The following CNTNAP2 variants were observed in gnomAD, a reference collection of about 807,000 sequenced individuals.
CNTNAP2 encodes the protein contactin-associated protein-like 2.
CNTNAP2 carries 98 observed loss-of-function variants against 155.2 expected under a neutral mutation model. The observed-to-expected ratio is 0.63, with a 90% CI of 0.54 to 0.75. The LOEUF is 0.75. Among genes scored for constraint, CNTNAP2 ranks in the 30% least tolerant of loss-of-function variants. CNTNAP2 has a pLI of 0.00. For synonymous variants in CNTNAP2, 651 were observed against 631.2 expected (o/e 1.03, Z -0.47); for missense variants, 1,727 against 1,688.1 (o/e 1.02, Z -0.40).
intron 21 of CNTNAP2, among the ~76,000 whole-genome samples, chr7:148,369,043 T>C (rs1337274804): frequency 2.6e-5 from 4 of 152,190 alleles, no homozygotes; most frequent in African/African-American, 9.7e-5. Flanking sequence ...TGAGAGGGTC[T>C]GTCTCTCTTC....
chr7:146,958,436 C>T (rs1441695565), intron 3 of CNTNAP2, among the ~76,000 whole-genome samples: 11 of 97,170 alleles, frequency 1.1e-4, no homozygotes, highest in East Asian at 6.4e-4. Context: ...TTTTTTGAGA[C>T]GGAGTCTCAC....
intron 3 of CNTNAP2, among the ~76,000 whole-genome samples, chr7:146,902,812 G>A (rs1465245290): frequency 1.3e-5 from 2 of 152,210 alleles, no homozygotes; most frequent in African/African-American, 2.4e-5. Context: ...TGCAGCCTCA[G>A]GGCAGTGAGG....
intron 1 of CNTNAP2, among the ~76,000 whole-genome samples, chr7:146,351,507 T>G (rs1238435797): frequency 6.6e-6 from 1 of 152,204 alleles, no homozygotes. Context: ...GATGCCTACT[T>G]ATTCCTTAGA....
chr7:146,436,863 T>C (rs1796250762), intron 1 of CNTNAP2, among the ~76,000 whole-genome samples: 1 of 151,640 alleles, frequency 6.6e-6, no homozygotes, highest in South Asian at 2.1e-4. Flanking sequence ...AGAGGCTAAG[T>C]AGACTGCCCT....
chr7:148,118,217 A>G lies in CNTNAP2; in HGVS notation c.2483A>G (p.Lys828Arg), dbSNP rs1165077522. ...AGCGCTGACATTTCTTTCTACTTCA[A>G]AACATTAACCCCCTGGGGAGTGTTT... Reference protein sequence around the residue: ...ETSADISFYFKTLTPWGVFLE... With the variant: ...ETSADISFYFRTLTPWGVFLE... The change falls in exon 16 of 24, where the codon AAA becomes AGA. Residue 828 changes from lysine (K) to arginine (R), a missense_variant. By Grantham distance (26) the Lys-to-Arg change is conservative (BLOSUM62 2). Coordinates refer to ENST00000361727, the MANE Select transcript of CNTNAP2 (RefSeq NM_014141.6). The G allele has an allele frequency of 6.2e-7, 1 of 1,614,186 alleles. No individual in the cohort carries two copies. Among genetic ancestry groups the G allele is most frequent in the Non-Finnish European group, 8.5e-7 (1 of 1,180,022 alleles).
chr7:148,148,248 T>G (rs1479219515), intron 17 of CNTNAP2, among the ~76,000 whole-genome samples: 9 of 152,194 alleles, frequency 5.9e-5, no homozygotes, highest in Non-Finnish European at 2.9e-5. Flanking sequence ...AAAAGAAATT[T>G]AAACAGATCA....
intron 1 of CNTNAP2, among the ~76,000 whole-genome samples, chr7:146,220,737 A>G (rs1799193972): frequency 6.6e-6 from 1 of 152,182 alleles, no homozygotes; most frequent in African/African-American, 2.4e-5. Flanking sequence ...AACTTTTAAA[A>G]CGTTATGAAT....
chr7:147,278,154 A>C (rs1333331992), intron 8 of CNTNAP2, among the ~76,000 whole-genome samples: 1 of 151,066 alleles, frequency 6.6e-6, no homozygotes, highest in Non-Finnish European at 1.5e-5. Flanking sequence ...ATAGCCTCCT[A>C]CACTTCCATC....
At chr7:147,794,253 A>G (rs1797859437) in intron 13 of CNTNAP2, among the ~76,000 whole-genome samples, 1 of 151,988 alleles carries the variant, frequency 6.6e-6, no homozygotes, top group African/African-American at 2.4e-5. Context: ...GAAGGTATTC[A>G]GTCTTTCACC....
chr7:148,340,324 C>T (rs10271315), intron 21 of CNTNAP2, among the ~76,000 whole-genome samples: 36,758 of 151,972 alleles, frequency 0.24, 4,712 homozygotes, highest in South Asian at 0.32. Context: ...AATTAACATC[C>T]CGAGGGAAGA....
intron 1 of CNTNAP2, among the ~76,000 whole-genome samples, chr7:146,489,137 C>G (rs1797101979): frequency 6.6e-6 from 1 of 152,196 alleles, no homozygotes; most frequent in African/African-American, 2.4e-5. Context: ...CACCCAACAA[C>G]AGTTCCTTCC....
chr7:146,895,935 T>C (rs1353018637), intron 3 of CNTNAP2, among the ~76,000 whole-genome samples: 1 of 152,128 alleles, frequency 6.6e-6, no homozygotes, highest in Non-Finnish European at 1.5e-5. Context: ...AGGATTATTA[T>C]AAAATATTGC....
intron 1 of CNTNAP2, among the ~76,000 whole-genome samples, chr7:146,702,947 G>A (rs952853281): frequency 2.0e-5 from 3 of 152,098 alleles, no homozygotes; most frequent in African/African-American, 7.2e-5. Flanking sequence ...GGAAAGCTTT[G>A]TTGTTGATCT....
At position 148,140,315 on chromosome 7, in the gene CNTNAP2, C is replaced by T. The variant is rs528547777; in HGVS notation, c.2555-7176C>T. 1.2e-4 allele frequency among the ~76,000 whole-genome samples: 18 copies of T among 152,286 alleles called. No homozygotes were observed. The South Asian group carries it at 3.7e-3, about 32-fold the overall frequency. On this transcript the variant is annotated intron_variant, in intron 16 of 23. Coordinates refer to ENST00000361727, the MANE Select transcript of CNTNAP2 (RefSeq NM_014141.6). ...GATTGATTGCCCACATGGCTGACCT[C>T]AGTTTCCAGCCCCTCAGAAGGCTGG...
chr7:147,630,316 T>TAAAAAAAAAAAAAAAAAAAAAAAGA (rs1795063293), intron 12 of CNTNAP2, among the ~76,000 whole-genome samples: 16 of 73,044 alleles, frequency 2.2e-4, no homozygotes, highest in South Asian at 7.8e-4. Flanking sequence ...GAAACAGTAG[T>TAAAAAAAAAAAAAAAAAAAAAAAGA]AAAAAAAAAA....
rs181679526 is a variant in CNTNAP2 at position 147,896,503 on chromosome 7, C to A, written c.2099-7062C>A. 8.5e-5 allele frequency among the ~76,000 whole-genome samples: 13 copies of A among 152,240 alleles called. No individual in the cohort carries two copies. The East Asian group carries it at 2.1e-3, about 25-fold the overall frequency. On this transcript the variant is annotated intron_variant, in intron 13 of 23. Transcript: ENST00000361727. The stretch of plus-strand genomic sequence containing the variant: ...ATTTGGGGATCAGAGTTTTTAAGGA[C>A]AACTTGGCGGGTCGGGGGGAAGCCA...
At chr7:146,641,250 CCA>C (rs1799701644) in intron 1 of CNTNAP2, among the ~76,000 whole-genome samples, 1 of 152,116 alleles carries the variant, frequency 6.6e-6, no homozygotes, top group Non-Finnish European at 1.5e-5. Flanking sequence ...TGGCGTGAAC[CCA>C]GAGGCGGAGC....
At chr7:148,149,046 A>G (rs1468347020) in intron 17 of CNTNAP2, among the ~76,000 whole-genome samples, 1 of 152,206 alleles carries the variant, frequency 6.6e-6, no homozygotes, top group Non-Finnish European at 1.5e-5. Context: ...TGTGGCCCAG[A>G]TTAGCTAGGA....
chr7:147,177,740 C>T (rs1348493016), intron 8 of CNTNAP2, among the ~76,000 whole-genome samples: 2 of 152,052 alleles, frequency 1.3e-5, no homozygotes, highest in Non-Finnish European at 2.9e-5. Context: ...TTTCTGCTTG[C>T]AGTATGTGAA....
Sources: gnomAD v4.1 joint callset for allele counts (sites outside exome capture counted in the v4.1 genomes callset) on GRCh38, gnomAD v4.1.1 for gene constraint, MANE v1.5 for transcripts, NCBI Gene and HGNC (gene_info 2026-07-23, HGNC 2026-07-21) for gene names.